SETD2: variants seen among roughly 807,000 people sequenced by gnomAD.
SETD2 encodes histone-lysine N-methyltransferase SETD2.
In SETD2, 31 loss-of-function variants were observed where a neutral mutation model predicts 242.1. The ratio of observed to expected loss-of-function variants is 0.13; its 90% confidence interval spans 0.10 to 0.17. The LOEUF (loss-of-function observed/expected upper bound fraction) is 0.17. Ranked by LOEUF, SETD2 falls within the 10% of genes least tolerant of loss-of-function variation. SETD2 has a pLI of 1.00. For missense variants in SETD2, 2,481 were observed against 3,046.3 expected (o/e 0.81, Z 4.37); for synonymous variants, 1,006 against 1,066.5 (o/e 0.94, Z 1.11).
intron 1 of SETD2, chr3:47,138,269 GC>G: frequency 3.4e-6 from 1 of 293,870 alleles, no homozygotes; most frequent in South Asian, 2.8e-5. Flanking sequence ...ACCGCGCCCG[GC>G]CCACTTTCTT....
At chr3:47,108,710 G>T (rs146381724) in intron 5 of SETD2, among the ~76,000 whole-genome samples, 5 of 152,232 alleles carry the variant, frequency 3.3e-5, no homozygotes, top group African/African-American at 4.8e-5. Context: ...TGAGCTTGAG[G>T]AAGCAGCTGA....
At chr3:47,146,891 G>A (rs2043868214) in intron 1 of SETD2, among the ~76,000 whole-genome samples, 1 of 150,686 alleles carries the variant, frequency 6.6e-6, no homozygotes. Context: ...AGTGAGCCAG[G>A]TTTGCATTAC....
chr3:47,057,589 C>G, intron 14 of SETD2, 99 bp from the exon 15 acceptor site: 1 of 823,526 alleles, frequency 1.2e-6, no homozygotes, highest in South Asian at 1.7e-5. Flanking sequence ...AACCACTAAC[C>G]ACATCAAACC....
At chr3:47,097,483 T>A (rs1164422858) in intron 9 of SETD2, among the ~76,000 whole-genome samples, 1 of 152,192 alleles carries the variant, frequency 6.6e-6, no homozygotes, top group African/African-American at 2.4e-5. Context: ...TATCAACTGC[T>A]GTTTCATTAA....
chr3:47,068,005 C>A (rs190316614), intron 12 of SETD2, among the ~76,000 whole-genome samples: 1 of 152,178 alleles, frequency 6.6e-6, no homozygotes, highest in South Asian at 2.1e-4. Context: ...GTTTTAAAGG[C>A]TTTTAAGTAC....
intron 15 of SETD2, among the ~76,000 whole-genome samples, chr3:47,051,730 G>GA (rs201938986): frequency 7.4e-4 from 105 of 142,776 alleles, no homozygotes; most frequent in Middle Eastern, 3.6e-3. Context: ...TTCTAGTTTT[G>GA]AAAAAAAAAA....
At chr3:47,134,989 T>C (rs2043561519) in intron 1 of SETD2, among the ~76,000 whole-genome samples, 1 of 152,214 alleles carries the variant, frequency 6.6e-6, no homozygotes, top group African/African-American at 2.4e-5. Flanking sequence ...TCAGAGGCTA[T>C]TTGTTCAATA....
intron 5 of SETD2, among the ~76,000 whole-genome samples, chr3:47,106,493 T>TA (rs766455577): frequency 0.039 from 2,217 of 57,134 alleles, 176 homozygotes; most frequent in African/African-American, 0.042. Flanking sequence ...ATTTTTGCTC[T>TA]AAAAAAAAAA....
At chr3:47,085,641 A>G (rs1425630011) in intron 11 of SETD2, among the ~76,000 whole-genome samples, 1 of 152,250 alleles carries the variant, frequency 6.6e-6, no homozygotes, top group Non-Finnish European at 1.5e-5. Context: ...GTTTTATTAA[A>G]TAAAAGACTC....
In SETD2 at chr3:47,123,059, G is replaced by A. The variant is rs2106694430; in HGVS notation, c.1577C>T (p.Ala526Val). 6.2e-7 allele frequency: 1 copy of A among 1,613,852 alleles called. No homozygotes were observed. Among genetic ancestry groups the A allele is most frequent in the Non-Finnish European group, 8.5e-7 (1 of 1,179,890 alleles). Reference protein sequence around the residue: ...RESKRTSENEAIKRCCSPPNE... With the variant: ...RESKRTSENEVIKRCCSPPNE... ...AGGGGGAGAACAACATCTTTTAATTGCTTCATTTTCTGAAGTCCTTTTAGA... is the reference window on the plus strand; with the variant it reads ...AGGGGGAGAACAACATCTTTTAATTACTTCATTTTCTGAAGTCCTTTTAGA... The change falls in exon 3 of 21, where the codon GCA becomes GTA. Residue 526 changes from alanine to valine, a missense_variant. By Grantham distance (64) the Ala-to-Val change is moderately conservative (BLOSUM62 0). Coordinates refer to ENST00000409792, the MANE Select transcript of SETD2 (RefSeq NM_014159.7).
intron 15 of SETD2, among the ~76,000 whole-genome samples, chr3:47,047,708 T>C (rs1190171108): frequency 6.6e-6 from 1 of 152,224 alleles, no homozygotes; most frequent in Non-Finnish European, 1.5e-5. Flanking sequence ...CAGCTTAATC[T>C]ACTTGGATAA....
intron 1 of SETD2, among the ~76,000 whole-genome samples, chr3:47,151,000 T>C (rs895870604): frequency 6.6e-6 from 1 of 151,902 alleles, no homozygotes; most frequent in African/African-American, 2.4e-5. Context: ...ACAATGCTGC[T>C]GGTAATCAAA....
At chr3:47,113,853 A>G (rs759300368) in intron 5 of SETD2, 23 bp downstream of exon 5, 1 of 1,604,304 alleles carries the variant, frequency 6.2e-7, no homozygotes, top group Non-Finnish European at 8.5e-7. Flanking sequence ...AAGGAAGTGA[A>G]AGGTAATTAA....
intron 13 of SETD2, 80 bp from the exon 14 acceptor site, chr3:47,062,426 C>G (rs2040378460): frequency 7.8e-7 from 1 of 1,278,150 alleles, no homozygotes; most frequent in Non-Finnish European, 1.1e-6. Flanking sequence ...GACAATGTAT[C>G]AACTGTATAA....
At chr3:47,132,810 G>A (rs1296705103) in intron 1 of SETD2, among the ~76,000 whole-genome samples, 1 of 152,004 alleles carries the variant, frequency 6.6e-6, no homozygotes, top group African/African-American at 2.4e-5. Flanking sequence ...CTCATTTAAA[G>A]AAAAAAACTG....
At chr3:47,039,361 C>A (rs756616163) in intron 17 of SETD2, among the ~76,000 whole-genome samples, 6 of 151,836 alleles carry the variant, frequency 4.0e-5, no homozygotes, top group Non-Finnish European at 8.8e-5. Context: ...ATTACAGGTG[C>A]GTGTCACCAC....
intron 17 of SETD2, among the ~76,000 whole-genome samples, chr3:47,042,238 T>C (rs2039313618): frequency 6.6e-6 from 1 of 152,236 alleles, no homozygotes; most frequent in Admixed American, 6.5e-5. Context: ...GGTACATGCC[T>C]GTAATCCCAG....
At chr3:47,020,393 G>A (rs1345136392) in intron 18 of SETD2, among the ~76,000 whole-genome samples, 1 of 152,158 alleles carries the variant, frequency 6.6e-6, no homozygotes, top group Non-Finnish European at 1.5e-5. Context: ...GATATTGACG[G>A]GGAGGTGATG....
intron 15 of SETD2, among the ~76,000 whole-genome samples, chr3:47,054,845 A>G (rs2039986967): frequency 6.6e-6 from 1 of 152,206 alleles, no homozygotes; most frequent in Non-Finnish European, 1.5e-5. Flanking sequence ...AGGGTATTAT[A>G]CCCATTAAAA....
Sources: gnomAD v4.1 joint callset for allele counts (sites outside exome capture counted in the v4.1 genomes callset) on GRCh38, gnomAD v4.1.1 for gene constraint, MANE v1.5 for transcripts, NCBI Gene and HGNC (gene_info 2026-07-23, HGNC 2026-07-21) for gene names.